CNBD1: variants seen among roughly 807,000 people sequenced by gnomAD.
The protein encoded by CNBD1 is cyclic nucleotide-binding domain-containing protein 1.
Under a neutral mutation model 54.4 loss-of-function variants are expected in CNBD1, and 71 were observed. The observed-to-expected ratio is 1.30, with a 90% confidence interval of 1.08 to 1.59. The LOEUF (loss-of-function observed/expected upper bound fraction) is 1.59. Among genes scored for constraint, CNBD1 ranks in the 40% most tolerant of loss-of-function variants. The pLI, the probability that CNBD1 is intolerant of heterozygous loss-of-function variation, is 0.00. For synonymous variants in CNBD1, 182 were observed against 170.7 expected (o/e 1.07, Z -0.51); for missense variants, 659 against 518.0 (o/e 1.27, Z -2.64).
chr8:87,074,119 C>A (rs953186465), intron 4 of CNBD1, among the ~76,000 whole-genome samples: 2 of 138,158 alleles, frequency 1.4e-5, no homozygotes, highest in African/African-American at 5.6e-5. Flanking sequence ...AAAAAAAAGG[C>A]AGCAGTCTGG....
In CNBD1 at chr8:87,155,903, T is replaced by G. The variant is rs373353893; in HGVS notation, c.432-50090T>G. ...ATGTACCAGCATTACATTAAACACT[T>G]TACACACATGCTCTCATTTAATTCT... On this transcript the variant is annotated intron_variant, in intron 4 of 10. Coordinates refer to ENST00000518476, the MANE Select transcript of CNBD1 (RefSeq NM_173538.3). Among the ~76,000 whole-genome samples, 3 of 152,184 alleles carry G rather than the reference T, an allele frequency of 2.0e-5. No homozygotes were observed. In the East Asian group the frequency reaches 5.8e-4, roughly 30 times the overall value.
chr8:87,129,468 G>C (rs1173645018), intron 4 of CNBD1, among the ~76,000 whole-genome samples: 1 of 152,030 alleles, frequency 6.6e-6, no homozygotes, highest in Non-Finnish European at 1.5e-5. Flanking sequence ...TTTTTACTCA[G>C]TTGTCTCATT....
intron 2 of CNBD1, among the ~76,000 whole-genome samples, chr8:87,426,099 C>T (rs1808043425): frequency 6.6e-6 from 1 of 152,220 alleles, no homozygotes. Flanking sequence ...CGTCCATCAC[C>T]CCTTTCTTTG....
chr8:86,868,179 A>G (rs1808390977), intron 1 of CNBD1, among the ~76,000 whole-genome samples: 1 of 152,198 alleles, frequency 6.6e-6, no homozygotes, highest in African/African-American at 2.4e-5. Context: ...AAGGATATAT[A>G]AATGAGTTTT....
chr8:87,391,250 G>A (rs1240264612), intron 2 of CNBD1, among the ~76,000 whole-genome samples: 3 of 151,396 alleles, frequency 2.0e-5, no homozygotes, highest in Non-Finnish European at 4.4e-5. Flanking sequence ...ATAAAAAAAA[G>A]AAATTTCAAA....
At chr8:87,186,351 C>A (rs1486051361) in intron 4 of CNBD1, among the ~76,000 whole-genome samples, 1 of 152,090 alleles carries the variant, frequency 6.6e-6, no homozygotes, top group African/African-American at 2.4e-5. Flanking sequence ...AACTGGCAGT[C>A]TTCAAAGATT....
intron 4 of CNBD1, among the ~76,000 whole-genome samples, chr8:86,944,496 G>A (rs1243465236): frequency 6.6e-6 from 1 of 152,176 alleles, no homozygotes; most frequent in African/African-American, 2.4e-5. Context: ...AGGAGAAAGA[G>A]GAGAGAGAGA....
intron 4 of CNBD1, among the ~76,000 whole-genome samples, chr8:87,083,388 G>C (rs531171488): frequency 3.6e-4 from 55 of 151,884 alleles, no homozygotes; most frequent in African/African-American, 1.2e-3. Context: ...TACCTCTATG[G>C]GCAGCCACTA....
chr8:87,183,228 C>T (rs1467936072), intron 4 of CNBD1, among the ~76,000 whole-genome samples: 1 of 152,036 alleles, frequency 6.6e-6, no homozygotes, highest in African/African-American at 2.4e-5. Context: ...AGCTTTATGT[C>T]TGGGCTTTCT....
intron 4 of CNBD1, among the ~76,000 whole-genome samples, chr8:87,086,964 C>T (rs1249448054): frequency 1.3e-5 from 2 of 151,608 alleles, no homozygotes; most frequent in Non-Finnish European, 2.9e-5. Flanking sequence ...AAACTAAAGA[C>T]AGTAAGATTT....
intron 6 of CNBD1, among the ~76,000 whole-genome samples, chr8:87,271,718 A>G (rs1367608529): frequency 6.6e-6 from 1 of 152,012 alleles, no homozygotes; most frequent in Non-Finnish European, 1.5e-5. Flanking sequence ...ATAACTAGAA[A>G]TAAAACTAAC....
intron 6 of CNBD1, among the ~76,000 whole-genome samples, chr8:87,271,261 A>C (rs188006225): frequency 6.6e-6 from 1 of 151,032 alleles, no homozygotes; most frequent in African/African-American, 2.4e-5. Flanking sequence ...TTTCAGTCTC[A>C]ATTTCATTTA....
In CNBD1 at chr8:87,382,751, G is replaced by C. The variant is rs1811107064; in HGVS notation, c.*124G>C. On this transcript the variant is annotated 3_prime_UTR_variant, in exon 11 of 11. Transcript: ENST00000518476. Reference sequence around the variant, plus strand: ...TGGTCTATTGTGACTACATATCCTGGATTCCCCAGGAAAGTCCCACTTTCG... The same window carrying C: ...TGGTCTATTGTGACTACATATCCTGCATTCCCCAGGAAAGTCCCACTTTCG... 1 of 602,486 alleles carries C rather than the reference G, an allele frequency of 1.7e-6. No individual in the cohort carries two copies. Among genetic ancestry groups the C allele is most frequent in the Non-Finnish European group, 2.7e-6 (1 of 365,922 alleles). 37.3% of individuals were successfully genotyped at this position (602,486 alleles called of 1,614,324 possible).
chr8:87,122,142 T>A (rs1811903638), intron 4 of CNBD1, among the ~76,000 whole-genome samples: 1 of 151,780 alleles, frequency 6.6e-6, no homozygotes, highest in Non-Finnish European at 1.5e-5. Context: ...GGAACCTCCA[T>A]ACCATTTTTC....
At chr8:87,077,412 C>CTTTTTT (rs374931620) in intron 4 of CNBD1, among the ~76,000 whole-genome samples, 56 of 129,528 alleles carry the variant, frequency 4.3e-4, no homozygotes, top group South Asian at 5.0e-4. Flanking sequence ...TCTTCTTCTT[C>CTTTTTT]TTTTTTTTTT....
chr8:86,948,291 T>C (rs1807518193), intron 4 of CNBD1, among the ~76,000 whole-genome samples: 1 of 152,126 alleles, frequency 6.6e-6, no homozygotes, highest in Non-Finnish European at 1.5e-5. Context: ...GTGGGATTGC[T>C]GGATCATATA....
intron 5 of CNBD1, among the ~76,000 whole-genome samples, chr8:87,222,670 G>A (rs1814366690): frequency 6.6e-6 from 1 of 152,162 alleles, no homozygotes; most frequent in Non-Finnish European, 1.5e-5. Context: ...TTGTACCAGA[G>A]AGTGGGAAAT....
chr8:86,999,851 A>T (rs558733331), intron 4 of CNBD1, among the ~76,000 whole-genome samples: 1 of 152,322 alleles, frequency 6.6e-6, no homozygotes, highest in East Asian at 1.9e-4. Flanking sequence ...TTCCTTTATT[A>T]ATTATAGATG....
At chr8:87,055,243 G>T (rs753222674) in intron 4 of CNBD1, among the ~76,000 whole-genome samples, 4 of 152,148 alleles carry the variant, frequency 2.6e-5, no homozygotes, top group Non-Finnish European at 4.4e-5. Flanking sequence ...TGGACGGGTT[G>T]CCATTTTACA....
Sources: gnomAD v4.1 joint callset for allele counts (sites outside exome capture counted in the v4.1 genomes callset) on GRCh38, gnomAD v4.1.1 for gene constraint, MANE v1.5 for transcripts, NCBI Gene and HGNC (gene_info 2026-07-23, HGNC 2026-07-21) for gene names.